LTBP2: variants seen among roughly 807,000 people sequenced by gnomAD.
LTBP2 encodes the protein latent-transforming growth factor beta-binding protein 2.
In LTBP2, 103 loss-of-function variants were observed where a neutral mutation model predicts 210.6. That is an observed-to-expected ratio of 0.49 (90% CI 0.42 to 0.58). LTBP2 has a LOEUF of 0.58. LTBP2 is among the 20% of genes least tolerant of loss of function. The pLI, the probability that LTBP2 is intolerant of heterozygous loss-of-function variation, is 0.00. For missense variants in LTBP2, 2,313 were observed against 2,494.5 expected, an observed-to-expected ratio of 0.93 and a Z score of 1.55; for synonymous variants, 1,007 against 1,015.0, an observed-to-expected ratio of 0.99 and a Z score of 0.15.
intron 7 of LTBP2, 44 bp downstream of exon 7, chr14:74,551,020 C>T: frequency 6.2e-7 from 1 of 1,611,108 alleles, no homozygotes; most frequent in Non-Finnish European, 8.5e-7. Flanking sequence ...GGACAACTGC[C>T]ATCCTGGAAG....
At chr14:74,545,382 C>A (rs1311117760) in intron 8 of LTBP2, among the ~76,000 whole-genome samples, 1 of 152,234 alleles carries the variant, frequency 6.6e-6, no homozygotes, top group Non-Finnish European at 1.5e-5. Flanking sequence ...AGTTCAGGAA[C>A]TGGCGGCTAT....
At position 74,611,680 on chromosome 14, in the gene LTBP2, G is replaced by T. The variant is rs2088612775; in HGVS notation, c.265C>A (p.Gln89Lys). 6.4e-7 allele frequency: 1 copy of T among 1,571,560 alleles called. No homozygotes were observed. The highest frequency in any genetic ancestry group is 8.6e-7 in the Non-Finnish European group (1 of 1,165,236). ...CTCCTGGGGCTCCCCCAGCCCGGCT[G>T]GGCCCGCTCCACGGGCTGCAAGCCC... Reference protein sequence around the residue: ...VAGLQPVERAQPGWGSPRRPT... With the variant: ...VAGLQPVERAKPGWGSPRRPT... The change falls in exon 1 of 36, where the codon CAG becomes AAG. Residue 89 changes from glutamine (Q) to lysine (K), a missense_variant. Coordinates refer to ENST00000261978, the MANE Select transcript of LTBP2 (RefSeq NM_000428.3).
chr14:74,586,026 C>T lies in LTBP2; in HGVS notation c.658G>A (p.Glu220Lys). The T allele has an allele frequency of 6.2e-7, 1 of 1,605,030 alleles. No individual in the cohort carries two copies. Among genetic ancestry groups the T allele is most frequent in the Non-Finnish European group, 8.5e-7 (1 of 1,175,990 alleles). ...RSGFRGARCE[E>K]VIPDEEFDPQ... ...TCAAATTCCTCATCGGGAATGACCTCCTCGCAGCGGGCTCCACGGAAACCA... is the reference window on the plus strand; with the variant it reads ...TCAAATTCCTCATCGGGAATGACCTTCTCGCAGCGGGCTCCACGGAAACCA... The change falls in exon 3 of 36, where the codon GAG becomes AAG. Residue 220 changes from glutamate to lysine, a missense_variant. Around this residue, in one of 3 missense-constraint regions of LTBP2, gnomAD observed 1,867 missense variants for 1,976.9 expected, o/e 0.94. Transcript: ENST00000261978. This position sits in a 1 kb window ranked among gnomAD's most constrained non-coding sequence, Gnocchi z 4.6.
At chr14:74,569,554 G>T (rs536053833) in intron 3 of LTBP2, among the ~76,000 whole-genome samples, 2 of 152,122 alleles carry the variant, frequency 1.3e-5, no homozygotes, top group African/African-American at 2.4e-5. Context: ...TGCCAAAAGG[G>T]GGTTACTCCT....
chr14:74,605,816 C>A (rs1008485210), intron 1 of LTBP2, among the ~76,000 whole-genome samples: 1 of 152,116 alleles, frequency 6.6e-6, no homozygotes, highest in African/African-American at 2.4e-5. Flanking sequence ...ACAGAGTAGG[C>A]CCTAAGGGAT....
At position 74,586,104 on chromosome 14, in the gene LTBP2, G is replaced by C. The variant is rs1176357269; in HGVS notation, c.580C>G (p.Pro194Ala). 1 of 1,596,776 alleles carries C rather than the reference G, an allele frequency of 6.3e-7. No individual in the cohort carries two copies. Reference sequence around the variant, plus strand: ...CTGCAGGAGCCCCGGTTCTGGCACGGCGGCTCGCAAACGGCTGAGGACACA... The same window carrying C: ...CTGCAGGAGCCCCGGTTCTGGCACGCCGGCTCGCAAACGGCTGAGGACACA... ...NHCIKPVCEPPCQNRGSCSRP... is the reference protein window; with the variant it reads ...NHCIKPVCEPACQNRGSCSRP... Residue 194 changes from proline to alanine, a missense_variant, in exon 3 of 36, where the codon CCG (proline) becomes GCG (alanine). Coordinates refer to ENST00000261978, the MANE Select transcript of LTBP2 (RefSeq NM_000428.3). This position sits in a 1 kb window ranked among gnomAD's most constrained non-coding sequence, Gnocchi z 4.6.
chr14:74,562,350 C>A (rs901627230), intron 3 of LTBP2, among the ~76,000 whole-genome samples: 2 of 152,160 alleles, frequency 1.3e-5, no homozygotes. Flanking sequence ...GAAGGGAAAT[C>A]ATTCCAATTC....
chr14:74,592,303 C>T (rs1595297171), intron 2 of LTBP2, among the ~76,000 whole-genome samples: 1 of 152,190 alleles, frequency 6.6e-6, no homozygotes, highest in East Asian at 1.9e-4. Context: ...GAGAAAACCT[C>T]CATCCATGGT....
chr14:74,553,151 G>A (rs1395765144), intron 4 of LTBP2, 89 bp from the exon 5 acceptor site: 21 of 1,297,868 alleles, frequency 1.6e-5, no homozygotes, highest in Non-Finnish European at 2.2e-5. Context: ...CATGGGACTA[G>A]GGCTGCATTC....
At chr14:74,605,090 G>A (rs2088505944) in intron 1 of LTBP2, among the ~76,000 whole-genome samples, 1 of 152,230 alleles carries the variant, frequency 6.6e-6, no homozygotes, top group African/African-American at 2.4e-5. Context: ...GAACTAGAGG[G>A]TAAGAGGGGA....
intron 8 of LTBP2, among the ~76,000 whole-genome samples, chr14:74,540,944 A>ATATATATTTT (rs1248514534): frequency 4.1e-5 from 1 of 24,300 alleles, no homozygotes; most frequent in African/African-American, 9.1e-5. Context: ...ATATATATAT[A>ATATATATTTT]TTTTTTATAT....
At chr14:74,506,629 G>C in intron 27 of LTBP2, 69 bp downstream of exon 27, 1 of 1,601,620 alleles carries the variant, frequency 6.2e-7, no homozygotes, top group Non-Finnish European at 8.5e-7. Flanking sequence ...ACCAGGACCA[G>C]TTGAGGAGGA....
intron 3 of LTBP2, among the ~76,000 whole-genome samples, chr14:74,564,209 TTA>T (rs1228783266): frequency 1.6e-4 from 2 of 12,610 alleles, no homozygotes; most frequent in African/African-American, 3.5e-4. Context: ...TTATATATAT[TTA>T]TATATATATT....
intron 30 of LTBP2, among the ~76,000 whole-genome samples, chr14:74,504,357 G>A (rs2086955427): frequency 1.3e-5 from 2 of 152,236 alleles, no homozygotes; most frequent in African/African-American, 4.8e-5. Flanking sequence ...GGACTAGGGT[G>A]CTGAGGGGCG....
chr14:74,605,738 C>T (rs2088516813), intron 1 of LTBP2, among the ~76,000 whole-genome samples: 1 of 152,188 alleles, frequency 6.6e-6, no homozygotes, highest in South Asian at 2.1e-4. Context: ...CAGCCGTCAC[C>T]CCAGCTGCCC....
intron 4 of LTBP2, among the ~76,000 whole-genome samples, chr14:74,553,848 T>C (rs1277341560): frequency 4.7e-5 from 7 of 150,008 alleles, no homozygotes; most frequent in East Asian, 2.0e-4. Flanking sequence ...GGGGAGGAAA[T>C]TGAAAAAATA....
At chr14:74,560,086 T>C (rs980636952) in intron 3 of LTBP2, 4 of 152,168 alleles carry the variant, frequency 2.6e-5, no homozygotes, top group Non-Finnish European at 5.9e-5. Flanking sequence ...GACTTCAGGA[T>C]TTCATGAATC....
chr14:74,551,430 C>A, intron 6 of LTBP2, 80 bp from the exon 7 acceptor site: 5 of 1,386,828 alleles, frequency 3.6e-6, no homozygotes, highest in Non-Finnish European at 2.9e-6. Flanking sequence ...TATCCACCAC[C>A]CCTGGGCCAG....
At chr14:74,501,703 T>TGGGGGC in intron 34 of LTBP2, 113 bp from the exon 35 acceptor site, 1 of 1,341,470 alleles carries the variant, frequency 7.5e-7, no homozygotes, top group Non-Finnish European at 1.0e-6. Flanking sequence ...ACTGTGGGGG[T>TGGGGGC]GGGGGCAGAG....
Sources: gnomAD v4.1 joint callset for allele counts (sites outside exome capture counted in the v4.1 genomes callset) on GRCh38, gnomAD v4.1.1 for gene constraint, gnomAD v4.1.1 regional missense constraint, Gnocchi (gnomAD v3.1) non-coding constraint, MANE v1.5 for transcripts, NCBI Gene and HGNC (gene_info 2026-07-23, HGNC 2026-07-21) for gene names.